The following LRP1B variants were observed in gnomAD, a reference collection of about 807,000 sequenced individuals.
LRP1B encodes the protein low-density lipoprotein receptor-related protein 1B.
A neutral mutation model predicts 556.6 loss-of-function variants in LRP1B; 217 were observed. The observed-to-expected ratio is 0.39, with a 90% CI of 0.35 to 0.44. LRP1B has a LOEUF of 0.44. Among genes scored for constraint, LRP1B ranks in the 20% least tolerant of loss-of-function variants. The probability of loss-of-function intolerance (pLI) is 1.00; values close to 1 mark genes in which losing one functional copy is unlikely to be tolerated. For missense variants in LRP1B, 5,053 were observed against 5,620.8 expected (o/e 0.90, Z 3.23); for synonymous variants, 2,047 against 1,865.8 (o/e 1.10, Z -2.50).
At chr2:141,465,237 G>A (rs895477201) in intron 3 of LRP1B, among the ~76,000 whole-genome samples, 1 of 152,080 alleles carries the variant, frequency 6.6e-6, no homozygotes, top group Non-Finnish European at 1.5e-5. Context: ...TCAAGTGTAA[G>A]CTTGTATTTG....
At chr2:140,992,347 C>A (rs1313779613) in intron 16 of LRP1B, among the ~76,000 whole-genome samples, 1 of 151,958 alleles carries the variant, frequency 6.6e-6, no homozygotes, top group Non-Finnish European at 1.5e-5. Flanking sequence ...AGTACAAATG[C>A]AATGCTTCTT....
At chr2:141,844,294 A>G (rs1255920027) in intron 1 of LRP1B, among the ~76,000 whole-genome samples, 1 of 152,096 alleles carries the variant, frequency 6.6e-6, no homozygotes. Context: ...TTTCATTGCT[A>G]ATCCCATATG....
intron 7 of LRP1B, among the ~76,000 whole-genome samples, chr2:141,081,279 C>T (rs1215951218): frequency 6.6e-6 from 1 of 152,152 alleles, no homozygotes; most frequent in Non-Finnish European, 1.5e-5. Context: ...TCTGGGGGTC[C>T]TGGGCTGTAT....
chr2:141,910,912 G>T (rs1001071127), intron 1 of LRP1B, among the ~76,000 whole-genome samples: 2 of 151,854 alleles, frequency 1.3e-5, no homozygotes, highest in Non-Finnish European at 2.9e-5. Flanking sequence ...ATATATTCAG[G>T]AATTTTGCTT....
chr2:141,606,051 T>C (rs947838681), intron 2 of LRP1B, among the ~76,000 whole-genome samples: 5 of 152,228 alleles, frequency 3.3e-5, no homozygotes, highest in Admixed American at 2.6e-4. Flanking sequence ...AAGCAATTTA[T>C]GTCTTTCATA....
intron 1 of LRP1B, among the ~76,000 whole-genome samples, chr2:142,017,097 A>G (rs1703172300): frequency 6.6e-6 from 1 of 151,956 alleles, no homozygotes. Flanking sequence ...AATAGAAAAA[A>G]TAAGCAGAGA....
intron 12 of LRP1B, among the ~76,000 whole-genome samples, chr2:141,016,836 T>C (rs925716710): frequency 3.3e-5 from 5 of 152,044 alleles, no homozygotes; most frequent in Non-Finnish European, 7.4e-5. Flanking sequence ...TGCTGACCCT[T>C]GAAATACCCT....
chr2:142,095,288 T>A (rs1438606300), intron 1 of LRP1B, among the ~76,000 whole-genome samples: 1 of 151,730 alleles, frequency 6.6e-6, no homozygotes, highest in Non-Finnish European at 1.5e-5. Flanking sequence ...CTTTAGCACC[T>A]TCTAGTTTTT....
intron 3 of LRP1B, among the ~76,000 whole-genome samples, chr2:141,427,483 GCTGTCT>G (rs1482299314): frequency 6.6e-6 from 1 of 152,100 alleles, no homozygotes; most frequent in East Asian, 1.9e-4. Flanking sequence ...CAGCAAAATT[GCTGTCT>G]TGATTTAATT....
Position 140,841,053 on chromosome 2 carries a change from G to A in LRP1B, c.4979C>T (p.Ser1660Leu), listed in dbSNP as rs2105098074. 1 of 1,612,700 alleles carries A rather than the reference G, an allele frequency of 6.2e-7. No individual in the cohort carries two copies. The highest frequency in any genetic ancestry group is 8.5e-7 in the Non-Finnish European group (1 of 1,179,188). ...TGAGCTAATCCAGTATAAATTACGT[G>A]ACACCCAATCCACTGCTAGCCCTCT... ...SIRGLAVDWV[S>L]RNLYWISSEF... Residue 1660 changes from serine to leucine, a missense_variant, in exon 30 of 91, where the codon TCA becomes TTA. Physicochemically the swap from Ser to Leu is moderately radical, Grantham distance 145. Coordinates refer to ENST00000389484, the MANE Select transcript of LRP1B (RefSeq NM_018557.3).
intron 31 of LRP1B, among the ~76,000 whole-genome samples, chr2:140,815,863 CTCTCT>C (rs958835367): frequency 1.4e-4 from 9 of 64,804 alleles, no homozygotes; most frequent in South Asian, 7.8e-4. Context: ...AGAATGTTGT[CTCTCT>C]TTTTTTTTTT....
Position 140,373,069 on chromosome 2 carries a change from T to G in LRP1B, c.10707A>C (p.Lys3569Asn), listed in dbSNP as rs749694136. The change falls in exon 69 of 91, where the codon AAA becomes AAC. Residue 3569 changes from lysine to asparagine, a missense_variant. By Grantham distance (94) the Lys-to-Asn change is moderately conservative (BLOSUM62 0). This residue lies in a region of LRP1B where 599 missense variants were observed against 648.4 expected (regional missense o/e 0.92). Transcript: ENST00000389484. Reference protein sequence around the residue: ...RCSNGQCIPAKWKCDGHEDCK... With the variant: ...RCSNGQCIPANWKCDGHEDCK... ...AGTCTTCATGGCCATCACATTTCCA[T>G]TTTGCTGGTATACACTGACCATTGG... The G allele has an allele frequency of 1.9e-6, 3 of 1,613,486 alleles. No homozygotes were observed. Among genetic ancestry groups the G allele is most frequent in the Non-Finnish European group, 2.5e-6 (3 of 1,179,642 alleles).
chr2:141,531,028 T>A (rs1039882823), intron 2 of LRP1B, among the ~76,000 whole-genome samples: 1 of 151,658 alleles, frequency 6.6e-6, no homozygotes, highest in Non-Finnish European at 1.5e-5. Flanking sequence ...TAATAAGATT[T>A]ATATTTTTAA....
intron 41 of LRP1B, among the ~76,000 whole-genome samples, chr2:140,610,865 C>T (rs1486069021): frequency 2.0e-5 from 3 of 152,332 alleles, no homozygotes; most frequent in African/African-American, 4.8e-5. Context: ...GACACAGTGC[C>T]CAGCCTAGAC....
In LRP1B at chr2:140,353,133, C is replaced by A; in HGVS notation, c.11531-61G>T. On this transcript the variant is annotated intron_variant, in intron 75 of 90. Coordinates refer to ENST00000389484, the MANE Select transcript of LRP1B (RefSeq NM_018557.3). The stretch of plus-strand genomic sequence containing the variant: ...CCTCAATTCAGACTCCTATTCTTAC[C>A]ACGTTTCAAAAAAGCCAAAATTATT... 3 of 1,565,068 alleles carry A rather than the reference C, an allele frequency of 1.9e-6. No individual in the cohort carries two copies. The South Asian group carries it at 3.7e-5, about 19-fold the overall frequency.
rs552299666 is a variant in LRP1B at position 140,928,825 on chromosome 2, A to G, written c.3137-5678T>C. On this transcript the variant is annotated intron_variant, in intron 20 of 90. Transcript: ENST00000389484. ...CCATGAAGATGTTAGGACAAAGAAC[A>G]CACAGAAGGAATAGCAATTGCAAAG... 8.5e-5 allele frequency among the ~76,000 whole-genome samples: 13 copies of G among 152,250 alleles called. No individual in the cohort carries two copies. The East Asian group carries it at 9.7e-4, about 11-fold the overall frequency.
At chr2:141,724,781 T>C (rs1692967555) in intron 2 of LRP1B, among the ~76,000 whole-genome samples, 1 of 152,012 alleles carries the variant, frequency 6.6e-6, no homozygotes. Context: ...ATTGACTATT[T>C]TGTGTTCATC....
chr2:141,251,561 A>T (rs1684261036), intron 4 of LRP1B, among the ~76,000 whole-genome samples: 1 of 152,134 alleles, frequency 6.6e-6, no homozygotes, highest in South Asian at 2.1e-4. Context: ...AGCCAGTGGA[A>T]ATGTAGTGCT....
intron 3 of LRP1B, among the ~76,000 whole-genome samples, chr2:141,433,912 T>C (rs1036033031): frequency 1.3e-5 from 2 of 151,266 alleles, no homozygotes; most frequent in Admixed American, 1.3e-4. Flanking sequence ...TTTTCAGTAC[T>C]TTGAACATGT....
Sources: allele counts gnomAD v4.1 joint callset (sites outside exome capture counted in the v4.1 genomes callset), GRCh38; gene constraint gnomAD v4.1.1; regional missense constraint gnomAD v4.1.1; transcripts MANE v1.5; gene names NCBI Gene and HGNC (gene_info 2026-07-23, HGNC 2026-07-21).